CACNA2D1: variants seen among roughly 807,000 people sequenced by gnomAD.
CACNA2D1 encodes voltage-dependent calcium channel subunit alpha-2/delta-1.
In CACNA2D1, 53 loss-of-function variants were observed where a neutral mutation model predicts 171.5. The observed-to-expected ratio is 0.31, with a 90% CI of 0.25 to 0.39. The LOEUF (loss-of-function observed/expected upper bound fraction) is 0.39, where lower values mean the gene tolerates loss of function less well. CACNA2D1 is among the 10% of genes least tolerant of loss of function. The probability of loss-of-function intolerance (pLI) is 1.00; values close to 1 mark genes in which losing one functional copy is unlikely to be tolerated. For missense variants in CACNA2D1, 903 were observed against 1,299.8 expected (o/e 0.69, Z 4.69); for synonymous variants, 442 against 443.1 (o/e 1.00, Z 0.03).
chr7:81,952,470 A>C (rs1355237762), intron 38 of CACNA2D1, among the ~76,000 whole-genome samples: 2 of 152,262 alleles, frequency 1.3e-5, no homozygotes, highest in Admixed American at 6.5e-5. Flanking sequence ...AGTTTCAATC[A>C]ATTTACATCC....
chr7:82,404,519 T>C (rs1318791758), intron 1 of CACNA2D1, among the ~76,000 whole-genome samples: 1 of 152,198 alleles, frequency 6.6e-6, no homozygotes, highest in Non-Finnish European at 1.5e-5. Context: ...TCTGAGATGG[T>C]TAAGAAGGGG....
At chr7:82,400,334 G>A (rs1826238595) in intron 1 of CACNA2D1, among the ~76,000 whole-genome samples, 1 of 151,840 alleles carries the variant, frequency 6.6e-6, no homozygotes, top group African/African-American at 2.4e-5. Context: ...CTACCCATGA[G>A]CATGGAATGT....
chr7:82,041,371 G>A (rs1193949794), intron 10 of CACNA2D1, among the ~76,000 whole-genome samples: 1 of 152,108 alleles, frequency 6.6e-6, no homozygotes, highest in African/African-American at 2.4e-5. Flanking sequence ...CATTATTCTA[G>A]GAAAGAAGAG....
rs147007067 is a variant in CACNA2D1, at chr7:82,399,423, G to C, written c.95+43942C>G. Among the ~76,000 whole-genome samples the C allele has an allele frequency of 6.7e-3, 1,015 of 150,524 alleles. 12 individuals carry two copies. Among genetic ancestry groups the C allele is most frequent in the African/African-American group, 0.023 (956 of 40,962 alleles). On this transcript the variant is annotated intron_variant, in intron 1 of 38. Coordinates refer to ENST00000356860, the MANE Select transcript of CACNA2D1 (RefSeq NM_000722.4). ...CCACTGCACTCCAGCCTGGACAACA[G>C]AGCAAGACTCCATCTCAAAAAAAAA...
rs932080938 is a variant in CACNA2D1 at position 82,099,422 on chromosome 7, C to CTTTTTTTTTTTTTTTTTT, written c.527-14540_527-14523dup. Among the ~76,000 whole-genome samples, 7 of 40,292 alleles carry CTTTTTTTTTTTTTTTTTT rather than the reference C, an allele frequency of 1.7e-4. 1 individual carries two copies. Among genetic ancestry groups the CTTTTTTTTTTTTTTTTTT allele is most frequent in the Admixed American group, 3.1e-4 (1 of 3,272 alleles). 26.4% of individuals were successfully genotyped at this position (40,292 alleles called of 152,430 possible). ...ACTCTAAAACAGGTAGCAATACCTT[C>CTTTTTTTTTTTTTTTTTT]TTTTTTTTTTTTTTTTTTTTTTTTT... On this transcript the variant is annotated intron_variant, in intron 6 of 38. Transcript: ENST00000356860.
intron 12 of CACNA2D1, 123 bp downstream of exon 12, chr7:82,032,674 G>T: frequency 1.7e-6 from 1 of 596,086 alleles, no homozygotes; most frequent in Non-Finnish European, 3.0e-6. Context: ...GATTCATATG[G>T]CTTTATAATT....
At chr7:81,951,967 G>GTTTTTTTTTTTTTTTTTT (rs1420265178) in intron 38 of CACNA2D1, among the ~76,000 whole-genome samples, 1 of 27,538 alleles carries the variant, frequency 3.6e-5, no homozygotes, top group African/African-American at 1.6e-4. Flanking sequence ...AGTGTACAAA[G>GTTTTTTTTTTTTTTTTTT]TGTTTTTTTT....
chr7:82,294,687 T>A (rs745690237), intron 3 of CACNA2D1, among the ~76,000 whole-genome samples: 1 of 152,088 alleles, frequency 6.6e-6, no homozygotes, highest in Non-Finnish European at 1.5e-5. Context: ...ATAAACCAAA[T>A]TTAAAGCAGT....
chr7:82,416,387 G>A (rs933610962), intron 1 of CACNA2D1, among the ~76,000 whole-genome samples: 4 of 152,018 alleles, frequency 2.6e-5, no homozygotes, highest in African/African-American at 4.8e-5. Context: ...GTCTGGATTC[G>A]TTTGCTCAGG....
intron 3 of CACNA2D1, among the ~76,000 whole-genome samples, chr7:82,213,056 C>A (rs1286633639): frequency 1.3e-5 from 2 of 151,928 alleles, no homozygotes; most frequent in African/African-American, 4.8e-5. Context: ...GCCCACACCA[C>A]GCCCTGCTAA....
chr7:82,033,696 C>G (rs956322932), intron 11 of CACNA2D1, among the ~76,000 whole-genome samples: 2 of 152,058 alleles, frequency 1.3e-5, no homozygotes, highest in Non-Finnish European at 2.9e-5. Context: ...CATGGTAAAT[C>G]TTCTTACACT....
At chr7:82,331,460 C>T (rs1436486864) in intron 3 of CACNA2D1, among the ~76,000 whole-genome samples, 1 of 152,102 alleles carries the variant, frequency 6.6e-6, no homozygotes, top group Non-Finnish European at 1.5e-5. Context: ...CTTCATTAGC[C>T]TCAAAATATT....
intron 3 of CACNA2D1, among the ~76,000 whole-genome samples, chr7:82,332,893 G>C (rs1020490129): frequency 6.6e-6 from 1 of 152,138 alleles, no homozygotes; most frequent in African/African-American, 2.4e-5. Context: ...CAGCTACTTG[G>C]AAGGCTGAGG....
intron 1 of CACNA2D1, among the ~76,000 whole-genome samples, chr7:82,367,127 C>G (rs2129447832): frequency 6.6e-6 from 1 of 151,928 alleles, no homozygotes; most frequent in African/African-American, 2.4e-5. Flanking sequence ...CCAGGCTGGT[C>G]TCAAACTCCT....
chr7:81,956,488 ACTT>A (rs1445881571), intron 38 of CACNA2D1, among the ~76,000 whole-genome samples: 2 of 152,010 alleles, frequency 1.3e-5, no homozygotes, highest in African/African-American at 4.8e-5. Flanking sequence ...CTACCTATGA[ACTT>A]CTTTCAGGAA....
chr7:82,086,120 C>G (rs1326135498), intron 6 of CACNA2D1, among the ~76,000 whole-genome samples: 2 of 152,124 alleles, frequency 1.3e-5, no homozygotes, highest in African/African-American at 4.8e-5. Flanking sequence ...ACTGGAGATA[C>G]AGCTTAACGT....
intron 3 of CACNA2D1, among the ~76,000 whole-genome samples, chr7:82,191,219 T>G (rs960669843): frequency 5.3e-5 from 8 of 151,798 alleles, no homozygotes; most frequent in African/African-American, 1.9e-4. Context: ...AACACGTGCT[T>G]ACTATACATT....
At chr7:82,399,285 C>T (rs765803752) in intron 1 of CACNA2D1, among the ~76,000 whole-genome samples, 13 of 151,952 alleles carry the variant, frequency 8.6e-5, no homozygotes, top group Middle Eastern at 3.2e-3. Flanking sequence ...ACAAAAAATA[C>T]GAAAATTAGC....
rs187774087 is a variant in CACNA2D1 at position 82,387,803 on chromosome 7, G to C, written c.96-38154C>G. Among the ~76,000 whole-genome samples, 575 of 152,146 alleles carry C rather than the reference G, an allele frequency of 3.8e-3. 5 individuals carry two copies. The highest frequency in any genetic ancestry group is 0.012 in the African/African-American group (515 of 41,524). On this transcript the variant is annotated intron_variant, in intron 1 of 38. Coordinates refer to ENST00000356860, the MANE Select transcript of CACNA2D1 (RefSeq NM_000722.4). ...CTGTTCAAATTTAAATCTGAAGGCC[G>C]GGTGCACTGGCTCATGCTTGTAATC...
Sources: gnomAD v4.1 joint callset for allele counts (sites outside exome capture counted in the v4.1 genomes callset) on GRCh38, gnomAD v4.1.1 for gene constraint, MANE v1.5 for transcripts, NCBI Gene and HGNC (gene_info 2026-07-23, HGNC 2026-07-21) for gene names.